ASPH: variants seen among roughly 807,000 people sequenced by gnomAD.
ASPH encodes the protein aspartyl/asparaginyl beta-hydroxylase.
In ASPH, 100 loss-of-function variants were observed where a neutral mutation model predicts 118.4. The observed-to-expected ratio is 0.84, with a 90% CI of 0.72 to 1.00. ASPH has a LOEUF of 1.00. Ranked by LOEUF, ASPH falls within the 50% of genes least tolerant of loss-of-function variation. ASPH has a pLI of 0.00. For synonymous variants in ASPH, 315 were observed against 325.6 expected (o/e 0.97, Z 0.35); for missense variants, 920 against 919.5 (o/e 1.00, Z -0.01).
At chr8:61,644,395 T>G (rs998967263) in intron 7 of ASPH, among the ~76,000 whole-genome samples, 1 of 152,176 alleles carries the variant, frequency 6.6e-6, no homozygotes, top group Non-Finnish European at 1.5e-5. Context: ...TACTGAAAAT[T>G]TATCCTCAGG....
intron 21 of ASPH, among the ~76,000 whole-genome samples, chr8:61,543,397 C>G (rs991183487): frequency 6.6e-6 from 1 of 152,092 alleles, no homozygotes; most frequent in Non-Finnish European, 1.5e-5. Flanking sequence ...TGGTGTTGAG[C>G]CCCCCTAGTG....
intron 15 of ASPH, chr8:61,578,564 G>A: frequency 6.6e-7 from 1 of 1,523,378 alleles, no homozygotes; most frequent in Non-Finnish European, 9.1e-7. Context: ...TGGAGCAGCA[G>A]AACAAGATGC....
intron 13 of ASPH, among the ~76,000 whole-genome samples, chr8:61,621,396 A>G (rs1850892626): frequency 6.6e-6 from 1 of 151,930 alleles, no homozygotes; most frequent in Non-Finnish European, 1.5e-5. Flanking sequence ...TACAAGTTTT[A>G]TTGCTTAAAT....
chr8:61,706,075 A>G (rs1836541000), intron 1 of ASPH, among the ~76,000 whole-genome samples: 1 of 152,204 alleles, frequency 6.6e-6, no homozygotes, highest in Admixed American at 6.5e-5. Context: ...TTAATCTAAT[A>G]AAAGATGTAT....
At chr8:61,631,492 A>T (rs187738992) in intron 13 of ASPH, among the ~76,000 whole-genome samples, 4 of 152,232 alleles carry the variant, frequency 2.6e-5, no homozygotes, top group Admixed American at 2.0e-4. Flanking sequence ...TATTCAGTAC[A>T]GTAACATGCT....
chr8:61,566,001 G>T (rs896713872), intron 17 of ASPH, among the ~76,000 whole-genome samples: 3 of 152,100 alleles, frequency 2.0e-5, no homozygotes, highest in African/African-American at 4.8e-5. Flanking sequence ...CCTTAAAAAA[G>T]ATTCCCTTCA....
At chr8:61,641,794 C>T (rs1208623029) in intron 10 of ASPH, among the ~76,000 whole-genome samples, 1 of 152,250 alleles carries the variant, frequency 6.6e-6, no homozygotes, top group Non-Finnish European at 1.5e-5. Flanking sequence ...GCCCTAAAAC[C>T]ATCTAGAACA....
At chr8:61,619,529 C>T (rs1393707929) in intron 13 of ASPH, among the ~76,000 whole-genome samples, 2 of 152,154 alleles carry the variant, frequency 1.3e-5, no homozygotes, top group African/African-American at 4.8e-5. Flanking sequence ...GGAGCTTGTG[C>T]TGAAGCCCAG....
chr8:61,650,166 C>G (rs1280648953), intron 5 of ASPH, among the ~76,000 whole-genome samples: 1 of 151,914 alleles, frequency 6.6e-6, no homozygotes, highest in African/African-American at 2.4e-5. Context: ...GTTGGGGTGC[C>G]GTGGGGAAGG....
intron 12 of ASPH, among the ~76,000 whole-genome samples, chr8:61,634,598 A>G (rs1467752353): frequency 6.6e-6 from 1 of 152,182 alleles, no homozygotes; most frequent in East Asian, 1.9e-4. Context: ...ACCCATTCCC[A>G]CTAACCACTG....
intron 16 of ASPH, among the ~76,000 whole-genome samples, chr8:61,569,188 A>G (rs1417347809): frequency 6.6e-6 from 1 of 152,174 alleles, no homozygotes; most frequent in African/African-American, 2.4e-5. Context: ...CTTAACGAAA[A>G]AAGAATCAAC....
rs551556762 is a variant in ASPH at position 61,578,441 on chromosome 8, C to G, written c.1063-1583G>C. ...TCATGGTCAACCAGAGCCTACTGAGCCCCCTTGTCCTGGAGGTGGACCCCA... is the reference window on the plus strand; with the variant it reads ...TCATGGTCAACCAGAGCCTACTGAGGCCCCTTGTCCTGGAGGTGGACCCCA... On this transcript the variant is annotated intron_variant, in intron 15 of 24. Transcript: ENST00000379454. 190 of 1,599,814 alleles carry G rather than the reference C, an allele frequency of 1.2e-4. 1 individual carries two copies. The African/African-American group carries it at 2.3e-3, about 20-fold the overall frequency.
At chr8:61,658,423 G>C (rs1457276890) in intron 3 of ASPH, 1 of 152,218 alleles carries the variant, frequency 6.6e-6, no homozygotes, top group East Asian at 1.9e-4. Context: ...ACTGGTGAGA[G>C]TGGACTCACT....
intron 15 of ASPH, among the ~76,000 whole-genome samples, chr8:61,581,412 G>A (rs760767362): frequency 6.6e-6 from 1 of 152,198 alleles, no homozygotes; most frequent in Non-Finnish European, 1.5e-5. Flanking sequence ...GAGAGACATG[G>A]ACGTAGGCCA....
chr8:61,618,330 C>A (rs903784469), intron 14 of ASPH, among the ~76,000 whole-genome samples: 4 of 152,072 alleles, frequency 2.6e-5, no homozygotes, highest in Non-Finnish European at 2.9e-5. Context: ...AAGATCATAT[C>A]ATTCAACTGA....
At chr8:61,672,246 A>G (rs1822933203) in intron 3 of ASPH, among the ~76,000 whole-genome samples, 1 of 152,194 alleles carries the variant, frequency 6.6e-6, no homozygotes. Flanking sequence ...CAGATTAAAA[A>G]AAGAAGAAGA....
intron 4 of ASPH, among the ~76,000 whole-genome samples, chr8:61,652,463 T>A (rs1811502410): frequency 6.6e-6 from 1 of 152,156 alleles, no homozygotes; most frequent in African/African-American, 2.4e-5. Flanking sequence ...TTTCCATAAT[T>A]TTGCAAATAC....
chr8:61,548,314 A>C, intron 20 of ASPH, 106 bp from the exon 21 acceptor site: 1 of 1,317,212 alleles, frequency 7.6e-7, no homozygotes, highest in South Asian at 1.8e-5. Flanking sequence ...TGACACATTT[A>C]AATAAAGAGC....
intron 1 of ASPH, among the ~76,000 whole-genome samples, chr8:61,703,525 C>A (rs878863673): frequency 6.6e-6 from 1 of 151,500 alleles, no homozygotes; most frequent in Admixed American, 6.6e-5. Context: ...CTAATAGCAT[C>A]AAAAAATACA....
Sources: gnomAD v4.1 joint callset for allele counts (sites outside exome capture counted in the v4.1 genomes callset) on GRCh38, gnomAD v4.1.1 for gene constraint, MANE v1.5 for transcripts, NCBI Gene and HGNC (gene_info 2026-07-23, HGNC 2026-07-21) for gene names.